ANO4: variants seen among roughly 807,000 people sequenced by gnomAD.
ANO4 encodes anoctamin-4.
In ANO4, 69 loss-of-function variants were observed where a neutral mutation model predicts 141.9. The ratio of observed to expected loss-of-function variants is 0.49; its 90% CI spans 0.40 to 0.59. ANO4 has a LOEUF of 0.59. Ranked by LOEUF, ANO4 falls within the 20% of genes least tolerant of loss-of-function variation. The pLI, the probability that ANO4 is intolerant of heterozygous loss-of-function variation, is 0.00. For synonymous variants in ANO4, 350 were observed against 394.3 expected, an observed-to-expected ratio of 0.89 and a Z score of 1.33; for missense variants, 894 against 1,162.2, an observed-to-expected ratio of 0.77 and a Z score of 3.36.
intron 1 of ANO4, among the ~76,000 whole-genome samples, chr12:100,819,118 A>ATT (rs60862613): frequency 2.2e-4 from 33 of 150,416 alleles, no homozygotes; most frequent in Admixed American, 4.0e-4. Flanking sequence ...CATTAGATGA[A>ATT]TTTTTTTTGT....
chr12:100,879,549 T>C lies in ANO4; in HGVS notation c.-140-22097T>C, dbSNP rs149928258. Among the ~76,000 whole-genome samples the C allele has an allele frequency of 3.7e-3, 558 of 152,274 alleles. 5 individuals are homozygous for C. Among genetic ancestry groups the C allele is most frequent in the Admixed American group, 7.6e-3 (116 of 15,268 alleles). On this transcript the variant is annotated intron_variant, in intron 1 of 27. Transcript: ENST00000392977. ...TGCATTGTAAATGCTTAATAAATACTAGATGAATTAAAAGTGAAGTATTCT... is the reference window on the plus strand; with the variant it reads ...TGCATTGTAAATGCTTAATAAATACCAGATGAATTAAAAGTGAAGTATTCT...
At chr12:100,781,465 C>T (rs2033708451) in intron 3 of ANO4, among the ~76,000 whole-genome samples, 1 of 152,046 alleles carries the variant, frequency 6.6e-6, no homozygotes, top group African/African-American at 2.4e-5. Context: ...ATGCCTGTGC[C>T]CATAGAATGG....
At chr12:100,925,514 AG>A (rs1248061005) in intron 3 of ANO4, among the ~76,000 whole-genome samples, 5 of 151,448 alleles carry the variant, frequency 3.3e-5, no homozygotes, top group Admixed American at 6.6e-5. Flanking sequence ...GGGCTAGAGG[AG>A]GGATAGCATT....
At chr12:100,986,755 G>A (rs1334013563) in intron 7 of ANO4, among the ~76,000 whole-genome samples, 3 of 152,178 alleles carry the variant, frequency 2.0e-5, no homozygotes, top group Admixed American at 1.3e-4. Context: ...GCGCCTTCTG[G>A]TGTTTTTCTG....
chr12:100,775,200 T>G (rs1445399251), intron 3 of ANO4, among the ~76,000 whole-genome samples: 3 of 152,202 alleles, frequency 2.0e-5, no homozygotes, highest in Non-Finnish European at 2.9e-5. Flanking sequence ...CTGAGCACAC[T>G]AAAATAGCAG....
chr12:101,054,569 G>T (rs957680670), intron 14 of ANO4, among the ~76,000 whole-genome samples: 4 of 152,108 alleles, frequency 2.6e-5, no homozygotes, highest in African/African-American at 9.7e-5. Context: ...GCACAATCTC[G>T]GCTCATTGCA....
chr12:100,830,990 G>A (rs1168197224), intron 1 of ANO4, among the ~76,000 whole-genome samples: 3 of 152,144 alleles, frequency 2.0e-5, no homozygotes, highest in Non-Finnish European at 2.9e-5. Context: ...AGTGACTAGC[G>A]TAAAAATCTA....
chr12:100,939,188 T>G lies in ANO4; in HGVS notation c.161-127T>G, dbSNP rs1336474592. ...ACTTTTCTTTTAGGAAATAATATGC[T>G]TGTCACTCAAGGAGTTAATGAAATG... On this transcript the variant is annotated intron_variant, in intron 3 of 27. Coordinates refer to ENST00000392977, the MANE Select transcript of ANO4 (RefSeq NM_001286615.2). 11 of 943,580 alleles carry G rather than the reference T, an allele frequency of 1.2e-5. No individual in the cohort carries two copies. The African/African-American group carries it at 1.8e-4, about 15-fold the overall frequency. The allele number at this position is 943,580 out of a possible 1,614,324, so 58.5% of individuals were successfully genotyped here.
Position 100,933,647 on chromosome 12 carries a change from G to C in ANO4, c.161-5668G>C, listed in dbSNP as rs147932360. ...TAGGTGTATACCCAGTAATGGGATTGCTGGAATGGTATTTCTAATTCTAGA... is the reference window on the plus strand; with the variant it reads ...TAGGTGTATACCCAGTAATGGGATTCCTGGAATGGTATTTCTAATTCTAGA... On this transcript the variant is annotated intron_variant, in intron 3 of 27. Transcript: ENST00000392977. 2.8e-4 allele frequency among the ~76,000 whole-genome samples: 42 copies of C among 152,322 alleles called. No homozygotes were observed. The East Asian group carries it at 6.7e-3, about 24-fold the overall frequency.
intron 14 of ANO4, chr12:101,066,651 G>A (rs752529827): frequency 1.8e-4 from 104 of 584,264 alleles, no homozygotes; most frequent in African/African-American, 9.5e-4. Context: ...ATGGCTTTGC[G>A]TCCCCATCAT....
chr12:101,033,126 A>G (rs1462428951), intron 9 of ANO4, among the ~76,000 whole-genome samples: 1 of 152,246 alleles, frequency 6.6e-6, no homozygotes, highest in African/African-American at 2.4e-5. Flanking sequence ...ACCATGGAAT[A>G]CTATGCAGCC....
chr12:100,796,594 TTCAAGAGTAAAACCAGCAC>T (rs2034338342), intron 1 of ANO4, among the ~76,000 whole-genome samples: 1 of 152,122 alleles, frequency 6.6e-6, no homozygotes, highest in Non-Finnish European at 1.5e-5. Context: ...GTTAGCCCTG[TTCAAGAGTAAAACCAGCAC>T]AGAGGTTAAC....
At position 101,116,811 on chromosome 12, in the gene ANO4, C is replaced by T. The variant is rs569872955; in HGVS notation, c.2570+13C>T. On this transcript the variant is annotated intron_variant, in intron 25 of 27. Transcript: ENST00000392977. ...TTAAGTACTGCAGGTGAGTGTGGCA[C>T]CCAGCGTGGCTCTGCCTGAGCTGGG... 2.5e-6 allele frequency: 4 copies of T among 1,613,846 alleles called. No individual in the cohort carries two copies. The highest frequency in any genetic ancestry group is 3.4e-6 in the Non-Finnish European group (4 of 1,179,992).
At chr12:100,759,605 T>C (rs747356587) in intron 3 of ANO4, among the ~76,000 whole-genome samples, 18 of 152,216 alleles carry the variant, frequency 1.2e-4, no homozygotes, top group Non-Finnish European at 1.6e-4. Context: ...CTTCATTCCC[T>C]GGACAGAAGA....
chr12:100,804,970 T>C (rs557320599), intron 1 of ANO4, among the ~76,000 whole-genome samples: 1 of 152,308 alleles, frequency 6.6e-6, no homozygotes, highest in South Asian at 2.1e-4. Flanking sequence ...ATCCCATTTG[T>C]CCGTTTTTGC....
At chr12:100,860,476 A>G (rs1302497193) in intron 1 of ANO4, among the ~76,000 whole-genome samples, 1 of 152,156 alleles carries the variant, frequency 6.6e-6, no homozygotes, top group East Asian at 1.9e-4. Flanking sequence ...TCTTCCCAGG[A>G]AGGATTTCAG....
In ANO4 at chr12:101,020,035, T is replaced by G. The variant is rs779544232; in HGVS notation, c.736T>G (p.Phe246Val). 1.2e-6 allele frequency: 2 copies of G among 1,602,354 alleles called. No individual in the cohort carries two copies. Among genetic ancestry groups the G allele is most frequent in the Non-Finnish European group, 8.5e-7 (1 of 1,169,840 alleles). Reference sequence around the variant, plus strand: ...TGTATTTTTAATATATGTATGCAGCTTCATCATACACAACAAAGAAACGTT... The same window carrying G: ...TGTATTTTTAATATATGTATGCAGCGTCATCATACACAACAAAGAAACGTT... ...APFSQQRIHH[F>V]IIHNKETFFN... The change falls in exon 9 of 28, where the codon TTC becomes GTC. Residue 246 changes from phenylalanine (F) to valine (V), a missense_variant and splice_region_variant. Physicochemically the swap from Phe to Val is conservative, Grantham distance 50 (BLOSUM62 -1). Around this residue, in one of 2 missense-constraint regions of ANO4, gnomAD observed 637 missense variants for 909.2 expected, o/e 0.70. Transcript: ENST00000392977.
intron 1 of ANO4, among the ~76,000 whole-genome samples, chr12:100,807,710 C>G (rs1293261658): frequency 6.6e-6 from 1 of 152,098 alleles, no homozygotes; most frequent in African/African-American, 2.4e-5. Context: ...GATGCTTTCC[C>G]TCCGCCCCTG....
intron 3 of ANO4, among the ~76,000 whole-genome samples, chr12:100,758,597 G>A (rs902566157): frequency 6.6e-6 from 1 of 152,154 alleles, no homozygotes; most frequent in Non-Finnish European, 1.5e-5. Flanking sequence ...AGAATTGACA[G>A]TGTGCTTTCC....
Sources: allele counts gnomAD v4.1 joint callset (sites outside exome capture counted in the v4.1 genomes callset), GRCh38; gene constraint gnomAD v4.1.1; regional missense constraint gnomAD v4.1.1; transcripts MANE v1.5; gene names NCBI Gene and HGNC (gene_info 2026-07-23, HGNC 2026-07-21).